The following CDH13 variants were observed in gnomAD, a reference collection of about 807,000 sequenced individuals.
CDH13 encodes the protein cadherin 13, also known as cadherin-13.
Under a neutral mutation model 63.8 loss-of-function variants are expected in CDH13, and 24 were observed. The ratio of observed to expected loss-of-function variants is 0.38; its 90% CI spans 0.27 to 0.53. The LOEUF is 0.53. CDH13 is among the 20% of genes least tolerant of loss of function. The probability of loss-of-function intolerance (pLI) is 0.85; values close to 1 mark genes in which losing one functional copy is unlikely to be tolerated. For missense variants in CDH13, 1,049 were observed against 903.1 expected (o/e 1.16, Z -2.07); for synonymous variants, 503 against 355.3 (o/e 1.42, Z -4.67).
intron 3 of CDH13, among the ~76,000 whole-genome samples, chr16:83,116,327 G>A (rs1053857717): frequency 3.9e-5 from 6 of 152,178 alleles, no homozygotes; most frequent in African/African-American, 1.4e-4. Context: ...GGATGGGGCG[G>A]GGAAGGAGGC....
intron 6 of CDH13, among the ~76,000 whole-genome samples, chr16:83,424,544 G>C (rs760688563): frequency 2.0e-5 from 3 of 152,174 alleles, no homozygotes; most frequent in East Asian, 3.9e-4. Flanking sequence ...ATTCTGGATG[G>C]AATATTAGTT....
intron 5 of CDH13, among the ~76,000 whole-genome samples, chr16:83,287,362 G>A (rs1487527989): frequency 6.6e-6 from 1 of 152,180 alleles, no homozygotes; most frequent in Non-Finnish European, 1.5e-5. Context: ...TAGGAACCTG[G>A]CTGCCCAGCA....
intron 9 of CDH13, among the ~76,000 whole-genome samples, chr16:83,677,875 C>T (rs542043831): frequency 5.9e-5 from 9 of 152,180 alleles, no homozygotes; most frequent in African/African-American, 1.9e-4. Flanking sequence ...CAGAGGGAGG[C>T]TCACTAAGGT....
chr16:83,013,994 C>CA (rs1461008211), intron 2 of CDH13, among the ~76,000 whole-genome samples: 8 of 152,110 alleles, frequency 5.3e-5, no homozygotes, highest in Non-Finnish European at 1.2e-4. Context: ...ACACATATAA[C>CA]AGGCCTTTGC....
chr16:83,696,496 C>A (rs1404792075), intron 10 of CDH13, among the ~76,000 whole-genome samples: 1 of 152,194 alleles, frequency 6.6e-6, no homozygotes. Flanking sequence ...CCACCTGGAA[C>A]TCCCACCAGG....
intron 11 of CDH13, among the ~76,000 whole-genome samples, chr16:83,760,125 A>C (rs566151629): frequency 6.6e-6 from 1 of 152,174 alleles, no homozygotes; most frequent in Non-Finnish European, 1.5e-5. Flanking sequence ...TATAAATTAA[A>C]ACACAAATTA....
At chr16:82,913,732 A>G (rs1040747906) in intron 2 of CDH13, among the ~76,000 whole-genome samples, 2 of 151,872 alleles carry the variant, frequency 1.3e-5, no homozygotes, top group African/African-American at 4.8e-5. Flanking sequence ...CCATGCGCAG[A>G]TCCTCAACAG....
intron 1 of CDH13, among the ~76,000 whole-genome samples, chr16:82,787,841 A>AGTGTGTGTGTGTGTGTGTGT (rs10528183): frequency 0.044 from 6,401 of 146,718 alleles, 446 homozygotes; most frequent in African/African-American, 0.14. Flanking sequence ...GAAGGGAGGA[A>AGTGTGTGTGTGTGTGTGTGT]GTGTGTGTGT....
At chr16:83,236,300 C>T (rs1217611626) in intron 5 of CDH13, among the ~76,000 whole-genome samples, 2 of 151,564 alleles carry the variant, frequency 1.3e-5, no homozygotes, top group East Asian at 3.9e-4. Flanking sequence ...TTAAGATACT[C>T]TGCAAACTAC....
At chr16:83,519,379 G>T (rs1465851159) in intron 7 of CDH13, among the ~76,000 whole-genome samples, 3 of 152,124 alleles carry the variant, frequency 2.0e-5, no homozygotes, top group African/African-American at 7.2e-5. Context: ...ACAGCTGATT[G>T]GTTTAAGTAA....
chr16:83,233,945 G>T (rs1301240822), intron 5 of CDH13, among the ~76,000 whole-genome samples: 1 of 152,146 alleles, frequency 6.6e-6, no homozygotes, highest in African/African-American at 2.4e-5. Context: ...CTTGTTCAAG[G>T]TCACACAGTG....
At chr16:83,271,427 A>T (rs1332883077) in intron 5 of CDH13, among the ~76,000 whole-genome samples, 34 of 121,148 alleles carry the variant, frequency 2.8e-4, no homozygotes, top group South Asian at 1.2e-3. Context: ...GTTCATAAAA[A>T]AAAAAAAAAA....
chr16:83,277,311 G>A (rs1011229786), intron 5 of CDH13, among the ~76,000 whole-genome samples: 6 of 152,114 alleles, frequency 3.9e-5, no homozygotes, highest in African/African-American at 1.2e-4. Context: ...CTGTCTGAAG[G>A]TTGTCAGATA....
chr16:82,902,074 G>A (rs2041490862), intron 2 of CDH13, among the ~76,000 whole-genome samples: 1 of 152,126 alleles, frequency 6.6e-6, no homozygotes, highest in Admixed American at 6.5e-5. Context: ...CAAAACTTGG[G>A]CTGTTTGCCT....
At chr16:82,984,690 G>A (rs1265753489) in intron 2 of CDH13, among the ~76,000 whole-genome samples, 1 of 152,154 alleles carries the variant, frequency 6.6e-6, no homozygotes, top group Non-Finnish European at 1.5e-5. Flanking sequence ...GCATCAAGAG[G>A]TCACATAACT....
chr16:82,917,250 C>A (rs909595339), intron 2 of CDH13, among the ~76,000 whole-genome samples: 1 of 152,188 alleles, frequency 6.6e-6, no homozygotes, highest in African/African-American at 2.4e-5. Context: ...AGTGCAAAAG[C>A]CTGACCATGC....
At chr16:83,552,149 G>T (rs2075514767) in intron 7 of CDH13, among the ~76,000 whole-genome samples, 1 of 152,218 alleles carries the variant, frequency 6.6e-6, no homozygotes, top group Non-Finnish European at 1.5e-5. Context: ...TTTGTCCTCA[G>T]ACAGTGAATT....
At chr16:83,284,737 A>G (rs1397631488) in intron 5 of CDH13, among the ~76,000 whole-genome samples, 1 of 152,104 alleles carries the variant, frequency 6.6e-6, no homozygotes, top group Non-Finnish European at 1.5e-5. Flanking sequence ...TTACATAAGT[A>G]TGATTAGTAA....
At chr16:82,921,521 T>A (rs2042153442) in intron 2 of CDH13, among the ~76,000 whole-genome samples, 1 of 152,232 alleles carries the variant, frequency 6.6e-6, no homozygotes, top group Non-Finnish European at 1.5e-5. Context: ...CTAAAATATT[T>A]AATTCAATCA....
Sources: gnomAD v4.1 joint callset for allele counts (sites outside exome capture counted in the v4.1 genomes callset) on GRCh38, gnomAD v4.1.1 for gene constraint, MANE v1.5 for transcripts, NCBI Gene and HGNC (gene_info 2026-07-23, HGNC 2026-07-21) for gene names.